Variants in NIPBL observed in about 807,000 individuals in gnomAD.
The protein encoded by NIPBL is NIPBL cohesin loading factor.
In NIPBL, 19 loss-of-function variants were observed where a neutral mutation model predicts 321.8. The observed-to-expected ratio is 0.06, with a 90% CI of 0.04 to 0.09. The LOEUF (loss-of-function observed/expected upper bound fraction) is 0.09. Among genes scored for constraint, NIPBL ranks in the 10% least tolerant of loss-of-function variants. The probability of loss-of-function intolerance (pLI) is 1.00; values close to 1 mark genes in which losing one functional copy is unlikely to be tolerated. For synonymous variants in NIPBL, 1,106 were observed against 1,114.1 expected (o/e 0.99, Z 0.14); for missense variants, 2,210 against 3,327.0 (o/e 0.66, Z 8.26).
chr5:37,014,091 G>A (rs1486377844), intron 21 of NIPBL, among the ~76,000 whole-genome samples: 3 of 151,972 alleles, frequency 2.0e-5, no homozygotes, highest in Admixed American at 6.6e-5. Flanking sequence ...TCCTGCAATC[G>A]CAGCTCTCGG....
chr5:36,888,081 G>T (rs530688457), intron 1 of NIPBL, among the ~76,000 whole-genome samples: 1 of 152,022 alleles, frequency 6.6e-6, no homozygotes, highest in Non-Finnish European at 1.5e-5. Flanking sequence ...CCAATGTTTT[G>T]ATTCTGTGAG....
At chr5:37,028,728 T>A (rs185850489) in intron 32 of NIPBL, among the ~76,000 whole-genome samples, 57 of 152,352 alleles carry the variant, frequency 3.7e-4, no homozygotes, top group East Asian at 1.9e-3. Flanking sequence ...ATGACTTTTT[T>A]AAAAAATTAT....
intron 8 of NIPBL, 142 bp downstream of exon 8, chr5:36,972,183 G>A (rs930204085): frequency 1.6e-6 from 1 of 634,062 alleles, no homozygotes; most frequent in Non-Finnish European, 2.8e-6. Context: ...GTACAAGCAG[G>A]TCTGGATCAT....
chr5:37,020,846 T>C lies in NIPBL; in HGVS notation c.5297T>C (p.Phe1766Ser). Reference protein sequence around the residue: ...IVRYLASMRPFAQSFDIYLTQ... With the variant: ...IVRYLASMRPSAQSFDIYLTQ... ...CGATACTTGGCCTCCATGAGGCCGT[T>C]TGCCCAGAGCTTTGATATTTATTTG... is the stretch of plus-strand genomic sequence containing the variant. Residue 1766 changes from phenylalanine to serine, a missense_variant, in exon 27 of 47, where the codon TTT becomes TCT. Physicochemically the swap from Phe to Ser is radical, Grantham distance 155. Around this residue, in one of 14 missense-constraint regions of NIPBL, gnomAD observed 138 missense variants for 175.8 expected, o/e 0.79. Coordinates refer to ENST00000282516, the MANE Select transcript of NIPBL (RefSeq NM_133433.4). 1 of 1,613,232 alleles carries C rather than the reference T, an allele frequency of 6.2e-7. No homozygotes were observed. The highest frequency in any genetic ancestry group is 8.5e-7 in the Non-Finnish European group (1 of 1,179,140).
At chr5:37,054,254 C>T (rs1330610004) in intron 42 of NIPBL, among the ~76,000 whole-genome samples, 1 of 151,162 alleles carries the variant, frequency 6.6e-6, no homozygotes, top group African/African-American at 2.4e-5. Context: ...AGCCTGACAG[C>T]AGATTTTTGC....
At chr5:36,941,152 G>A (rs1052903581) in intron 1 of NIPBL, among the ~76,000 whole-genome samples, 2 of 152,012 alleles carry the variant, frequency 1.3e-5, no homozygotes, top group African/African-American at 4.8e-5. Flanking sequence ...ATCTCCCAGG[G>A]ATAAGAAAAC....
intron 12 of NIPBL, 90 bp downstream of exon 12, chr5:37,000,660 TTAA>T (rs1746684247): frequency 2.1e-6 from 3 of 1,402,790 alleles, no homozygotes; most frequent in East Asian, 2.4e-5. Flanking sequence ...TTTTTATGAG[TTAA>T]TAACTAATTT....
intron 6 of NIPBL, among the ~76,000 whole-genome samples, chr5:36,962,977 T>G (rs181000757): frequency 6.6e-6 from 1 of 152,188 alleles, no homozygotes; most frequent in Admixed American, 6.5e-5. Flanking sequence ...TATGAAAAAT[T>G]TACTATACTG....
intron 1 of NIPBL, among the ~76,000 whole-genome samples, chr5:36,915,689 T>C (rs149088999): frequency 6.6e-6 from 1 of 152,356 alleles, no homozygotes; most frequent in East Asian, 1.9e-4. Flanking sequence ...TTTTAACTTT[T>C]GTTCAATTAT....
chr5:36,911,834 T>G (rs1032088735), intron 1 of NIPBL, among the ~76,000 whole-genome samples: 3 of 151,962 alleles, frequency 2.0e-5, no homozygotes, highest in Non-Finnish European at 4.4e-5. Context: ...TAACTGAAAT[T>G]AGGAAAGCAA....
intron 10 of NIPBL, among the ~76,000 whole-genome samples, chr5:36,992,757 T>TATTG (rs1554019015): frequency 7.2e-5 from 10 of 139,814 alleles, no homozygotes; most frequent in African/African-American, 2.5e-4. Context: ...TTTATTTATT[T>TATTG]ATTGAGATGG....
intron 42 of NIPBL, 43 bp from the exon 43 acceptor site, chr5:37,057,143 A>G (rs1754186327): frequency 6.2e-7 from 1 of 1,607,860 alleles, no homozygotes; most frequent in Non-Finnish European, 8.5e-7. Context: ...TTGGGTTTCT[A>G]GATTATCCGC....
At chr5:37,034,079 T>C (rs1015230477) in intron 32 of NIPBL, among the ~76,000 whole-genome samples, 7 of 151,166 alleles carry the variant, frequency 4.6e-5, no homozygotes, top group African/African-American at 1.5e-4. Flanking sequence ...AGTAGAAAAA[T>C]AGGTAAAGTT....
intron 1 of NIPBL, among the ~76,000 whole-genome samples, chr5:36,949,962 C>T (rs898612618): frequency 6.6e-6 from 1 of 151,940 alleles, no homozygotes; most frequent in Non-Finnish European, 1.5e-5. Flanking sequence ...ACTATAATAT[C>T]TTCCCCTAAT....
chr5:36,990,495 C>G (rs1745376554), intron 10 of NIPBL, among the ~76,000 whole-genome samples: 1 of 152,056 alleles, frequency 6.6e-6, no homozygotes, highest in South Asian at 2.1e-4. Context: ...TTTAATGATG[C>G]AGTGGAAATT....
intron 34 of NIPBL, among the ~76,000 whole-genome samples, chr5:37,042,005 T>A (rs534523056): frequency 6.6e-6 from 1 of 152,246 alleles, no homozygotes; most frequent in Non-Finnish European, 1.5e-5. Context: ...TTAAAAAGAA[T>A]TTATCTTTTC....
At chr5:37,013,339 C>T (rs1372333102) in intron 21 of NIPBL, among the ~76,000 whole-genome samples, 1 of 151,242 alleles carries the variant, frequency 6.6e-6, no homozygotes, top group Non-Finnish European at 1.5e-5. Context: ...GCTGGCCGGG[C>T]GGGGGGCTGA....
intron 4 of NIPBL, 57 bp from the exon 5 acceptor site, chr5:36,961,427 A>G: frequency 9.8e-7 from 1 of 1,016,778 alleles, no homozygotes; most frequent in South Asian, 1.3e-5. Flanking sequence ...TCAGTTATTT[A>G]AAGGACACTT....
chr5:36,881,501 T>A (rs1745498882), intron 1 of NIPBL, among the ~76,000 whole-genome samples: 1 of 151,974 alleles, frequency 6.6e-6, no homozygotes, highest in Non-Finnish European at 1.5e-5. Context: ...ATTTAATCTT[T>A]TAACATGCCC....
Sources: allele counts gnomAD v4.1 joint callset (sites outside exome capture counted in the v4.1 genomes callset), GRCh38; gene constraint gnomAD v4.1.1; regional missense constraint gnomAD v4.1.1; transcripts MANE v1.5; gene names NCBI Gene and HGNC (gene_info 2026-07-23, HGNC 2026-07-21).